Variants in GPD2 observed in about 807,000 individuals in gnomAD.
GPD2 encodes the protein glycerol-3-phosphate dehydrogenase 2.
Under a neutral mutation model 82.4 loss-of-function variants are expected in GPD2, and 54 were observed. The ratio of observed to expected loss-of-function variants is 0.66; its 90% CI spans 0.53 to 0.82. The LOEUF (loss-of-function observed/expected upper bound fraction) is 0.82. Ranked by LOEUF, GPD2 falls within the 40% of genes least tolerant of loss-of-function variation. The probability of loss-of-function intolerance (pLI) is 0.00; values close to 1 mark genes in which losing one functional copy is unlikely to be tolerated. For missense variants in GPD2, 748 were observed against 896.2 expected (o/e 0.83, Z 2.11); for synonymous variants, 288 against 306.1 (o/e 0.94, Z 0.62).
At chr2:156,401,261 C>G in the GPD2 span, among the ~76,000 whole-genome samples, 546 of 152,316 alleles carry the variant, frequency 3.6e-3, 2 homozygotes, top group African/African-American at 0.012. Context: ...AAGACACTTA[C>G]ACCCTGGTAA....
intron 6 of GPD2, among the ~76,000 whole-genome samples, chr2:156,517,836 GA>G (rs956391847): frequency 6.6e-6 from 1 of 151,970 alleles, no homozygotes; most frequent in African/African-American, 2.4e-5. Context: ...CTAGTACACA[GA>G]AAATGAGCTA....
At chr2:156,461,116 T>G (rs1484571736) in intron 1 of GPD2, among the ~76,000 whole-genome samples, 1 of 151,682 alleles carries the variant, frequency 6.6e-6, no homozygotes, top group Non-Finnish European at 1.5e-5. Context: ...AGTAGTTGTG[T>G]TCCTGCAGGC....
intron 4 of GPD2, among the ~76,000 whole-genome samples, chr2:156,511,812 G>T (rs2105271026): frequency 6.6e-6 from 1 of 152,276 alleles, no homozygotes; most frequent in African/African-American, 2.4e-5. Flanking sequence ...CTGTTAAGAA[G>T]CATCATTGCT....
chr2:156,532,455 C>T (rs1685904472), intron 6 of GPD2, among the ~76,000 whole-genome samples: 1 of 152,182 alleles, frequency 6.6e-6, no homozygotes, highest in Non-Finnish European at 1.5e-5. Flanking sequence ...TCCCCATGTG[C>T]TCCCCCACCA....
In GPD2 at chr2:156,557,390, C is replaced by G. The variant is rs1394139889; in HGVS notation, c.973C>G (p.Pro325Ala). The G allele has an allele frequency of 6.3e-7, 1 of 1,580,638 alleles. No homozygotes were observed. The highest frequency in any genetic ancestry group is 8.7e-7 in the Non-Finnish European group (1 of 1,150,204). ...VHIVMPGYYSPESMGLLDPAT... is the reference protein window; with the variant it reads ...VHIVMPGYYSAESMGLLDPAT... ...AAATAATCCTTCTTTGTATCTCAGC[C>G]CAGAGAGCATGGGACTTCTTGACCC... The change falls in exon 9 of 17, where the codon CCA becomes GCA. Residue 325 changes from proline (P) to alanine (A), a missense_variant and splice_region_variant. Pro to Ala is a conservative substitution (Grantham distance 27). Coordinates refer to ENST00000438166, the MANE Select transcript of GPD2 (RefSeq NM_000408.5).
chr2:156,570,047 A>G, intron 11 of GPD2, 40 bp from the exon 12 acceptor site: 1 of 1,592,748 alleles, frequency 6.3e-7, no homozygotes, highest in Non-Finnish European at 8.6e-7. Flanking sequence ...GAAGCTATTG[A>G]TATTCAAAGT....
intron 9 of GPD2, among the ~76,000 whole-genome samples, chr2:156,561,686 T>C (rs1687182837): frequency 6.6e-6 from 1 of 152,210 alleles, no homozygotes; most frequent in Admixed American, 6.5e-5. Context: ...AGAGCAATAG[T>C]TTTGAAGTGT....
intron 6 of GPD2, among the ~76,000 whole-genome samples, chr2:156,541,455 C>T (rs1306289785): frequency 6.6e-6 from 1 of 152,102 alleles, no homozygotes; most frequent in Non-Finnish European, 1.5e-5. Flanking sequence ...AATTTCTGTT[C>T]CCCACAGTAG....
the GPD2 span, among the ~76,000 whole-genome samples, chr2:156,406,134 C>T: frequency 2.7e-5 from 4 of 150,522 alleles, no homozygotes; most frequent in Admixed American, 6.6e-5. Flanking sequence ...CCTAGGGAAA[C>T]GGTGGAGCCA....
chr2:156,573,536 C>G (rs1687713772), intron 13 of GPD2, among the ~76,000 whole-genome samples: 1 of 152,034 alleles, frequency 6.6e-6, no homozygotes, highest in Non-Finnish European at 1.5e-5. Context: ...TTTGAATATG[C>G]AGGAACATAT....
intron 6 of GPD2, among the ~76,000 whole-genome samples, chr2:156,517,934 T>C (rs930409162): frequency 6.6e-6 from 1 of 152,180 alleles, no homozygotes; most frequent in Non-Finnish European, 1.5e-5. Flanking sequence ...ATTACAGCTT[T>C]AAATTCTTCC....
chr2:156,400,354 G>C, the GPD2 span, among the ~76,000 whole-genome samples: 1 of 152,346 alleles, frequency 6.6e-6, no homozygotes, highest in South Asian at 2.1e-4. Flanking sequence ...GTTTGGACCG[G>C]GGTTCTACCC....
At chr2:156,451,507 C>G (rs1307389340) in intron 1 of GPD2, among the ~76,000 whole-genome samples, 1 of 63,830 alleles carries the variant, frequency 1.6e-5, no homozygotes, top group Non-Finnish European at 2.9e-5. Flanking sequence ...GGCGGCTGGC[C>G]GAGCGGGGGG....
At position 156,518,808 on chromosome 2, in the gene GPD2, A is replaced by G. The variant is rs576546175; in HGVS notation, c.661+5312A>G. ...TTGGGTGTTACCTACTTTAAATCAG[A>G]CAGATATTAATTTCTTCAAAATAAT... On this transcript the variant is annotated intron_variant, in intron 6 of 16. Coordinates refer to ENST00000438166, the MANE Select transcript of GPD2 (RefSeq NM_000408.5). 3.3e-5 allele frequency among the ~76,000 whole-genome samples: 5 copies of G among 152,332 alleles called. No individual in the cohort carries two copies. In the East Asian group the frequency reaches 9.6e-4, roughly 29 times the overall value.
chr2:156,561,856 C>G (rs905751947), intron 9 of GPD2, among the ~76,000 whole-genome samples: 2 of 152,174 alleles, frequency 1.3e-5, no homozygotes, highest in Non-Finnish European at 2.9e-5. Context: ...AGCTGCCACA[C>G]TTCTGCAAAA....
chr2:156,509,531 G>T (rs79402037), intron 3 of GPD2, among the ~76,000 whole-genome samples: 3,823 of 152,114 alleles, frequency 0.025, 145 homozygotes, highest in African/African-American at 0.08. Context: ...TCATGGCTTG[G>T]TGTCGATGTA....
At chr2:156,503,509 G>A (rs1041469286) in intron 3 of GPD2, among the ~76,000 whole-genome samples, 7 of 151,990 alleles carry the variant, frequency 4.6e-5, no homozygotes, top group South Asian at 2.1e-4. Context: ...AATGTCATAC[G>A]GGTCAGAATT....
intron 8 of GPD2, 70 bp from the exon 9 acceptor site, chr2:156,557,318 GT>G: frequency 1.1e-6 from 1 of 929,678 alleles, no homozygotes; most frequent in Admixed American, 1.9e-5. Flanking sequence ...TGAATAAATA[GT>G]TTTTCGAATG....
At chr2:156,481,476 CT>C (rs781608459) in intron 2 of GPD2, among the ~76,000 whole-genome samples, 27 of 132,388 alleles carry the variant, frequency 2.0e-4, no homozygotes, top group Non-Finnish European at 3.8e-4. Context: ...CCCTTTCCAG[CT>C]TTTAATACCA....
Sources: allele counts gnomAD v4.1 joint callset (sites outside exome capture counted in the v4.1 genomes callset), GRCh38; gene constraint gnomAD v4.1.1; transcripts MANE v1.5; gene names NCBI Gene and HGNC (gene_info 2026-07-23, HGNC 2026-07-21).